The following NCALD variants were observed in gnomAD, a reference collection of about 807,000 sequenced individuals.
NCALD encodes neurocalcin delta.
NCALD carries 10 observed loss-of-function variants against 18.6 expected under a neutral mutation model. The observed-to-expected ratio is 0.54, with a 90% confidence interval of 0.33 to 0.91. The LOEUF (loss-of-function observed/expected upper bound fraction) is 0.91, where lower values mean the gene tolerates loss of function less well. NCALD is among the 40% of genes least tolerant of loss of function. The pLI, the probability that NCALD is intolerant of heterozygous loss-of-function variation, is 0.03. For missense variants in NCALD, 184 were observed against 247.6 expected (o/e 0.74, Z 1.72); for synonymous variants, 88 against 87.4 (o/e 1.01, Z -0.04).
At chr8:101,862,504 C>T (rs1397726268) in intron 4 of NCALD, among the ~76,000 whole-genome samples, 1 of 152,272 alleles carries the variant, frequency 6.6e-6, no homozygotes, top group Non-Finnish European at 1.5e-5. Flanking sequence ...CTTCACTTTG[C>T]TATGCTTTTT....
chr8:101,724,461 A>G (rs918961952), intron 1 of NCALD, among the ~76,000 whole-genome samples: 2 of 152,232 alleles, frequency 1.3e-5, no homozygotes, highest in Non-Finnish European at 1.5e-5. Flanking sequence ...ATTGTTTACT[A>G]GCTGGTGGGT....
chr8:101,804,347 T>C (rs1228797217), intron 4 of NCALD, among the ~76,000 whole-genome samples: 1 of 129,116 alleles, frequency 7.7e-6, no homozygotes, highest in Non-Finnish European at 1.6e-5. Context: ...AATTATATAT[T>C]ATATATAATT....
chr8:101,715,149 G>C (rs1266586795), intron 2 of NCALD, among the ~76,000 whole-genome samples: 1 of 152,090 alleles, frequency 6.6e-6, no homozygotes, highest in Non-Finnish European at 1.5e-5. Flanking sequence ...CAATGGAACA[G>C]AACAGAGGCC....
At chr8:102,062,458 A>G (rs1823878822) in intron 1 of NCALD, among the ~76,000 whole-genome samples, 2 of 152,236 alleles carry the variant, frequency 1.3e-5, no homozygotes, top group South Asian at 2.1e-4. Flanking sequence ...GTTGTTCACT[A>G]TTGTAGCCTC....
At chr8:101,942,024 A>G (rs185530947) in intron 2 of NCALD, among the ~76,000 whole-genome samples, 1 of 152,280 alleles carries the variant, frequency 6.6e-6, no homozygotes, top group East Asian at 1.9e-4. Context: ...TTCCATTTGG[A>G]GTCAAGGGTA....
intron 4 of NCALD, among the ~76,000 whole-genome samples, chr8:101,819,067 T>C (rs960391487): frequency 4.6e-5 from 7 of 152,138 alleles, no homozygotes; most frequent in African/African-American, 9.7e-5. Context: ...TTCAAGTTTC[T>C]TCTTTGGGAA....
At chr8:102,013,668 A>C (rs1222220591) in intron 2 of NCALD, among the ~76,000 whole-genome samples, 1 of 152,174 alleles carries the variant, frequency 6.6e-6, no homozygotes, top group Non-Finnish European at 1.5e-5. Flanking sequence ...TATGTTAAAA[A>C]AAAAATTAAT....
intron 2 of NCALD, among the ~76,000 whole-genome samples, chr8:101,978,436 T>C (rs1297531663): frequency 6.6e-6 from 1 of 152,212 alleles, no homozygotes; most frequent in East Asian, 1.9e-4. Flanking sequence ...TTTATCTTCC[T>C]ATGAATTCTG....
At position 101,687,938 on chromosome 8, in the gene NCALD, G is replaced by A. The variant is rs937982470; in HGVS notation, c.*1371C>T. On this transcript the variant is annotated 3_prime_UTR_variant, in exon 4 of 4. Transcript: ENST00000220931. ...GAAAATACTTTTGGATTCTCCATAG[G>A]GGGGCCTTGGAAACCACAGACACAC... 1 of 151,238 alleles carries A rather than the reference G, an allele frequency of 6.6e-6. No individual in the cohort carries two copies. Among genetic ancestry groups the A allele is most frequent in the East Asian group, 1.9e-4 (1 of 5,202 alleles). 9.4% of individuals were successfully genotyped at this position (151,238 alleles called of 1,614,324 possible).
chr8:102,034,983 C>G (rs1822808681), intron 1 of NCALD, among the ~76,000 whole-genome samples: 1 of 152,192 alleles, frequency 6.6e-6, no homozygotes, highest in South Asian at 2.1e-4. Flanking sequence ...CCTTTTCCCC[C>G]TGCCCTTAGC....
chr8:101,780,217 C>G (rs968268394), intron 1 of NCALD, among the ~76,000 whole-genome samples: 9 of 151,988 alleles, frequency 5.9e-5, no homozygotes, highest in African/African-American at 2.2e-4. Context: ...AGAAAGTCTC[C>G]CAGGTTGAAT....
At chr8:101,896,103 G>A in intron 3 of NCALD, among the ~76,000 whole-genome samples, 1 of 151,266 alleles carries the variant, frequency 6.6e-6, no homozygotes, top group Admixed American at 6.6e-5. Flanking sequence ...CACACTACCT[G>A]ACTTCAAACT....
intron 4 of NCALD, among the ~76,000 whole-genome samples, chr8:101,864,496 G>A (rs140051817): frequency 0.011 from 1,657 of 152,020 alleles, 23 homozygotes; most frequent in Middle Eastern, 0.044. Flanking sequence ...GCATTTTAAG[G>A]TAACAACAAA....
intron 1 of NCALD, among the ~76,000 whole-genome samples, chr8:102,041,572 G>A (rs904982262): frequency 6.6e-6 from 1 of 152,194 alleles, no homozygotes; most frequent in Non-Finnish European, 1.5e-5. Flanking sequence ...TATGGCTGGG[G>A]CCACTCACTT....
intron 1 of NCALD, chr8:102,123,646 G>C (rs762314748): frequency 1.3e-5 from 2 of 152,412 alleles, no homozygotes; most frequent in African/African-American, 4.8e-5. Flanking sequence ...CAAGGGACAC[G>C]AATCTTTCAG....
chr8:101,804,617 A>T (rs1364877995), intron 4 of NCALD, among the ~76,000 whole-genome samples: 2 of 134,908 alleles, frequency 1.5e-5, no homozygotes, highest in East Asian at 2.0e-4. Flanking sequence ...TAATTATATA[A>T]TATATAATTA....
At chr8:102,114,021 GC>G (rs1402614494) in intron 1 of NCALD, among the ~76,000 whole-genome samples, 10 of 152,210 alleles carry the variant, frequency 6.6e-5, no homozygotes, top group Non-Finnish European at 1.5e-4. Flanking sequence ...AATGCTAAAA[GC>G]AGCAATGCTT....
chr8:101,853,022 AG>A (rs1197286550), intron 4 of NCALD, among the ~76,000 whole-genome samples: 1 of 152,220 alleles, frequency 6.6e-6, no homozygotes, highest in Non-Finnish European at 1.5e-5. Flanking sequence ...AGTAGTTAAA[AG>A]CATACATTTT....
chr8:101,877,410 TCCAGCATTCCTAGTTAC>T, intron 4 of NCALD, among the ~76,000 whole-genome samples: 1 of 152,256 alleles, frequency 6.6e-6, no homozygotes, highest in African/African-American at 2.4e-5. Context: ...TCCCCTATTA[TCCAGCATTCCTAGTTAC>T]CCAGCATTCC....
Sources: allele counts gnomAD v4.1 joint callset (sites outside exome capture counted in the v4.1 genomes callset), GRCh38; gene constraint gnomAD v4.1.1; transcripts MANE v1.5; gene names NCBI Gene and HGNC (gene_info 2026-07-23, HGNC 2026-07-21).